The following ESRRB variants were observed in gnomAD, a reference collection of about 807,000 sequenced individuals.
ESRRB encodes the protein steroid hormone receptor ERR2.
In ESRRB, 16 loss-of-function variants were observed where a neutral mutation model predicts 46.0. The observed-to-expected ratio is 0.35, with a 90% confidence interval of 0.24 to 0.53. The LOEUF is 0.53. Among genes scored for constraint, ESRRB ranks in the 20% least tolerant of loss-of-function variants. The pLI is 0.93. For synonymous variants in ESRRB, 246 were observed against 259.6 expected (o/e 0.95, Z 0.50); for missense variants, 488 against 607.4 (o/e 0.80, Z 2.07).
intron 2 of ESRRB, among the ~76,000 whole-genome samples, chr14:76,453,112 T>G (rs1298598693): frequency 6.6e-6 from 1 of 152,210 alleles, no homozygotes; most frequent in Non-Finnish European, 1.5e-5. Context: ...TCAGGTGAGC[T>G]TCATTCAAGC....
At chr14:76,439,224 TTATC>T in intron 1 of ESRRB, 113 bp from the exon 2 acceptor site, 1 of 1,201,074 alleles carries the variant, frequency 8.3e-7, no homozygotes. Context: ...CACCGTTGTT[TTATC>T]GCACCAAAGC....
chr14:76,395,093 C>T (rs1304295403), intron 1 of ESRRB, among the ~76,000 whole-genome samples: 6 of 151,494 alleles, frequency 4.0e-5, no homozygotes, highest in African/African-American at 1.5e-4. Flanking sequence ...AGTAGGAGCT[C>T]TCCGTTTCCG....
At chr14:76,337,461 C>T (rs1340137243) in intron 1 of ESRRB, among the ~76,000 whole-genome samples, 1 of 152,082 alleles carries the variant, frequency 6.6e-6, no homozygotes, top group Non-Finnish European at 1.5e-5. Context: ...AAGACGGGTC[C>T]ACTCATACAT....
At chr14:76,457,453 GTTT>G (rs5809758) in intron 2 of ESRRB, among the ~76,000 whole-genome samples, 1 of 146,094 alleles carries the variant, frequency 6.8e-6, no homozygotes, top group African/African-American at 2.5e-5. Flanking sequence ...AGCAGGATGA[GTTT>G]TTTTTTTTTT....
intron 1 of ESRRB, among the ~76,000 whole-genome samples, chr14:76,426,608 A>G (rs1887211410): frequency 6.6e-6 from 1 of 152,194 alleles, no homozygotes; most frequent in Non-Finnish European, 1.5e-5. Flanking sequence ...TAAAATGTGG[A>G]AAAATGGTAC....
chr14:76,395,362 A>G (rs1305076014), intron 1 of ESRRB, among the ~76,000 whole-genome samples: 4 of 152,134 alleles, frequency 2.6e-5, no homozygotes, highest in Admixed American at 2.6e-4. Flanking sequence ...TCTGAACACC[A>G]CTGGCTCCCC....
At chr14:76,442,392 C>T (rs538174870) in intron 2 of ESRRB, among the ~76,000 whole-genome samples, 1 of 152,160 alleles carries the variant, frequency 6.6e-6, no homozygotes, top group South Asian at 2.1e-4. Flanking sequence ...AGGAGAATCC[C>T]TTAAACCCAG....
intron 2 of ESRRB, among the ~76,000 whole-genome samples, chr14:76,444,098 G>C (rs993340616): frequency 6.6e-6 from 1 of 151,546 alleles, no homozygotes; most frequent in South Asian, 2.1e-4. Context: ...GTCTCGCTCT[G>C]TTGCCCAGGC....
intron 3 of ESRRB, among the ~76,000 whole-genome samples, chr14:76,481,549 T>C (rs1264237209): frequency 6.6e-6 from 1 of 152,180 alleles, no homozygotes; most frequent in Non-Finnish European, 1.5e-5. Flanking sequence ...GGTCTAGAAA[T>C]TGACATTTGT....
chr14:76,450,510 C>T (rs1444597138), intron 2 of ESRRB, among the ~76,000 whole-genome samples: 1 of 152,110 alleles, frequency 6.6e-6, no homozygotes, highest in Non-Finnish European at 1.5e-5. Context: ...TTTGCACAGG[C>T]CACTGGGAGT....
intron 3 of ESRRB, among the ~76,000 whole-genome samples, chr14:76,480,675 C>T (rs954271611): frequency 2.6e-5 from 4 of 152,182 alleles, no homozygotes; most frequent in East Asian, 1.9e-4. Context: ...GCAGCCAACA[C>T]TCTGGGGCTG....
intron 1 of ESRRB, among the ~76,000 whole-genome samples, chr14:76,331,974 T>C (rs1395938324): frequency 1.3e-5 from 2 of 152,022 alleles, no homozygotes; most frequent in Non-Finnish European, 2.9e-5. Context: ...GTGTTAGCTC[T>C]CATCCTAGCT....
intron 1 of ESRRB, among the ~76,000 whole-genome samples, chr14:76,341,149 T>G (rs1884187077): frequency 6.6e-6 from 1 of 152,200 alleles, no homozygotes; most frequent in South Asian, 2.1e-4. Flanking sequence ...CTTCATGGAC[T>G]GAGTCTCCTC....
intron 5 of ESRRB, among the ~76,000 whole-genome samples, chr14:76,491,205 C>G (rs1415531717): frequency 6.6e-6 from 1 of 152,220 alleles, no homozygotes; most frequent in Non-Finnish European, 1.5e-5. Flanking sequence ...CAACAACTGT[C>G]AACATTGACT....
At chr14:76,359,411 T>G (rs182288200) in intron 1 of ESRRB, among the ~76,000 whole-genome samples, 103 of 152,306 alleles carry the variant, frequency 6.8e-4, no homozygotes, top group Middle Eastern at 3.4e-3. Context: ...TAAATAACAT[T>G]TATTGAGCAA....
intron 2 of ESRRB, among the ~76,000 whole-genome samples, chr14:76,453,553 T>C (rs1334071098): frequency 6.6e-6 from 1 of 152,074 alleles, no homozygotes; most frequent in Non-Finnish European, 1.5e-5. Flanking sequence ...CTCTTATGTA[T>C]GTGTAAGAAG....
At chr14:76,450,143 G>A (rs1192160871) in intron 2 of ESRRB, among the ~76,000 whole-genome samples, 2 of 104,094 alleles carry the variant, frequency 1.9e-5, no homozygotes, top group Non-Finnish European at 3.7e-5. Context: ...GACTGAGAAA[G>A]GGGGGGGGTC....
chr14:76,389,923 G>A (rs1885398552), intron 1 of ESRRB, among the ~76,000 whole-genome samples: 1 of 152,130 alleles, frequency 6.6e-6, no homozygotes, highest in African/African-American at 2.4e-5. Context: ...ATGCGATGCT[G>A]AGCTGCTGCC....
At chr14:76,361,499 T>C (rs1005363937) in intron 1 of ESRRB, among the ~76,000 whole-genome samples, 1 of 152,200 alleles carries the variant, frequency 6.6e-6, no homozygotes, top group Non-Finnish European at 1.5e-5. Context: ...GAAATCGAAG[T>C]AGTATACATA....
Sources: allele counts gnomAD v4.1 joint callset (sites outside exome capture counted in the v4.1 genomes callset), GRCh38; gene constraint gnomAD v4.1.1; transcripts MANE v1.5; gene names NCBI Gene and HGNC (gene_info 2026-07-23, HGNC 2026-07-21).